Variants in SCO1 observed in about 807,000 individuals in gnomAD.
The protein encoded by SCO1 is cytochrome c oxidase assembly factor SCO1.
SCO1 carries 23 observed loss-of-function variants against 34.0 expected under a neutral mutation model. That is an observed-to-expected ratio of 0.68 (90% CI 0.49 to 0.96). The LOEUF is 0.96. SCO1 is among the 40% of genes least tolerant of loss of function. SCO1 has a pLI of 0.00. For synonymous variants in SCO1, 161 were observed against 145.5 expected (o/e 1.11, Z -0.77); for missense variants, 404 against 381.6 (o/e 1.06, Z -0.49).
chr17:10,693,014 G>C (rs2074699783), intron 2 of SCO1, 53 bp from the exon 3 acceptor site: 2 of 1,522,240 alleles, frequency 1.3e-6, no homozygotes, highest in Non-Finnish European at 1.8e-6. Context: ...TTTAACCAGA[G>C]GTACTCAAAT....
intron 4 of SCO1, 68 bp downstream of exon 4, chr17:10,691,804 G>T: frequency 3.1e-6 from 3 of 979,430 alleles, no homozygotes; most frequent in Non-Finnish European, 4.9e-6. Context: ...GCACTGTAAG[G>T]TTCAAATGAA....
chr17:10,691,205 C>T (rs1175150599), intron 4 of SCO1, among the ~76,000 whole-genome samples: 2 of 152,180 alleles, frequency 1.3e-5, no homozygotes, highest in African/African-American at 2.4e-5. Context: ...CTGCTACCTC[C>T]GCCTGCCAGG....
intron 1 of SCO1, among the ~76,000 whole-genome samples, chr17:10,696,801 G>A (rs777176595): frequency 1.3e-5 from 2 of 152,130 alleles, no homozygotes; most frequent in Non-Finnish European, 2.9e-5. Context: ...GAAAAAGGCA[G>A]ATCCACACAT....
rs894230757 is a variant in SCO1 at position 10,697,059 on chromosome 17, A to G, written c.273+176T>C. 3.3e-5 allele frequency among the ~76,000 whole-genome samples: 5 copies of G among 151,936 alleles called. No homozygotes were observed. In the South Asian group the frequency reaches 1.0e-3, roughly 31 times the overall value. On this transcript the variant is annotated intron_variant, in intron 1 of 5. Transcript: ENST00000255390. Reference sequence around the variant, plus strand: ...AAGTTCTCTGTGGAGAACTGGGACTACCCGCAAGGCACGGGAAATGTAGGA... The same window carrying G: ...AAGTTCTCTGTGGAGAACTGGGACTGCCCGCAAGGCACGGGAAATGTAGGA...
chr17:10,697,193 C>G lies in SCO1; in HGVS notation c.273+42G>C, dbSNP rs767643892. 17 of 1,473,970 alleles carry G rather than the reference C, an allele frequency of 1.2e-5. No homozygotes were observed. The East Asian group carries it at 4.2e-4, about 36-fold the overall frequency. The allele number at this position is 1,473,970 out of a possible 1,614,324, so 91.3% of individuals were successfully genotyped here. On this transcript the variant is annotated intron_variant, in intron 1 of 5. Coordinates refer to ENST00000255390, the MANE Select transcript of SCO1 (RefSeq NM_004589.4). Reference sequence around the variant, plus strand: ...GGGATGTGGCCGCTGGGCTGGCCGACAGCCGCGACGAGCACCAGAAGGGTT... The same window carrying G: ...GGGATGTGGCCGCTGGGCTGGCCGAGAGCCGCGACGAGCACCAGAAGGGTT...
At chr17:10,690,814 G>GA (rs2074684945) in intron 4 of SCO1, among the ~76,000 whole-genome samples, 1 of 152,074 alleles carries the variant, frequency 6.6e-6, no homozygotes, top group African/African-American at 2.4e-5. Flanking sequence ...AATGGATAAA[G>GA]AAAATGCAGT....
chr17:10,688,133 T>C lies in SCO1; in HGVS notation c.656-1291A>G, dbSNP rs2175040. On this transcript the variant is annotated intron_variant, in intron 4 of 5. Transcript: ENST00000255390. The stretch of plus-strand genomic sequence containing the variant: ...TTCTTATATACCAAACCAAAAGCAC[T>C]ATATTAAAAGGACAAACTGATAAAT... 2.7e-3 allele frequency among the ~76,000 whole-genome samples: 405 copies of C among 152,340 alleles called. 4 individuals carry two copies. The highest frequency in any genetic ancestry group is 8.9e-3 in the African/African-American group (371 of 41,582).
rs543236004 is a variant in SCO1 at position 10,692,670 on chromosome 17, T to C, written c.562+94A>G. On this transcript the variant is annotated intron_variant, in intron 3 of 5. Coordinates refer to ENST00000255390, the MANE Select transcript of SCO1 (RefSeq NM_004589.4). ...TTTATGTTCTTACAAATCACATAAT[T>C]GCAAAACCCCACCTAACAATAATAC... 4.4e-5 allele frequency: 45 copies of C among 1,034,168 alleles called. No individual in the cohort carries two copies. In the South Asian group the frequency reaches 5.7e-4, roughly 13 times the overall value. The allele number at this position is 1,034,168 out of a possible 1,614,324, so 64.1% of individuals were successfully genotyped here.
chr17:10,689,766 C>G (rs1196109644), intron 4 of SCO1, among the ~76,000 whole-genome samples: 1 of 152,040 alleles, frequency 6.6e-6, no homozygotes, highest in Non-Finnish European at 1.5e-5. Flanking sequence ...CAATCTTAAG[C>G]AAAAAGAACA....
intron 4 of SCO1, 36 bp from the exon 5 acceptor site, chr17:10,686,878 A>T: frequency 7.3e-7 from 1 of 1,377,226 alleles, no homozygotes; most frequent in Non-Finnish European, 1.0e-6. Context: ...GAAAAATGAG[A>T]AGCCAGTAAA....
chr17:10,691,052 G>A (rs1456797049), intron 4 of SCO1, among the ~76,000 whole-genome samples: 1 of 152,190 alleles, frequency 6.6e-6, no homozygotes, highest in Non-Finnish European at 1.5e-5. Context: ...GGAGGATAGG[G>A]ACTCTGTACC....
chr17:10,681,227 CAA>C lies in SCO1; in HGVS notation c.796_797del (p.Leu266AspfsTer6). The C allele has an allele frequency of 1.9e-6, 3 of 1,614,122 alleles. No individual in the cohort carries two copies. Among genetic ancestry groups the C allele is most frequent in the Non-Finnish European group, 2.5e-6 (3 of 1,180,018 alleles). On this transcript the variant is annotated frameshift_variant, in exon 6 of 6. Transcript: ENST00000255390. LOFTEE classifies it high-confidence loss of function. ...CTAGAAACTCACCATCTGGTCCAAT[CAA>C]GTACATTATTATTGTGTGATCCACC... Reference protein sequence around the residue: ...YIVDHTIIMYLIGPDGEFLDY... With the variant: ...YIVDHTIIMYXIGPDGEFLDY...
intron 2 of SCO1, among the ~76,000 whole-genome samples, chr17:10,693,474 A>T (rs940265614): frequency 6.6e-6 from 1 of 152,228 alleles, no homozygotes; most frequent in Non-Finnish European, 1.5e-5. Flanking sequence ...ATGGAGAGAA[A>T]GAGAGCTAGG....
chr17:10,693,028 T>C (rs752172945), intron 2 of SCO1, 67 bp from the exon 3 acceptor site: 26 of 1,351,172 alleles, frequency 1.9e-5, no homozygotes, highest in Non-Finnish European at 2.7e-5. Flanking sequence ...CTCAAATACC[T>C]GACATATGGC....
intron 2 of SCO1, among the ~76,000 whole-genome samples, chr17:10,694,956 G>C (rs1425335490): frequency 1.3e-5 from 2 of 152,142 alleles, no homozygotes; most frequent in Non-Finnish European, 2.9e-5. Flanking sequence ...TATCAAAAGA[G>C]ACTCCAAAGA....
chr17:10,680,427 C>A lies in SCO1; in HGVS notation c.*692G>T. On this transcript the variant is annotated 3_prime_UTR_variant, in exon 6 of 6. Coordinates refer to ENST00000255390, the MANE Select transcript of SCO1 (RefSeq NM_004589.4). Reference sequence around the variant, plus strand: ...CAGCATCACACTCGTGATCAATATCCTCTTATTTCCATTTGGTATGTCACT... The same window carrying A: ...CAGCATCACACTCGTGATCAATATCATCTTATTTCCATTTGGTATGTCACT... The A allele has an allele frequency of 6.4e-6, 1 of 155,832 alleles. No individual in the cohort carries two copies. The highest frequency in any genetic ancestry group is 6.2e-5 in the Admixed American group (1 of 16,118). The allele number at this position is 155,832 out of a possible 1,614,324, so 9.7% of individuals were successfully genotyped here.
Position 10,692,927 on chromosome 17 carries a change from C to T in SCO1, c.399G>A (p.Lys133=), listed in dbSNP as rs1225557143. Residue 133 remains lysine, a synonymous_variant, in exon 3 of 6, where the codon AAG becomes AAA. Coordinates refer to ENST00000255390, the MANE Select transcript of SCO1 (RefSeq NM_004589.4). ...GGGAAAACGGTCCCCCAAGTAAAGG[C>T]TTGCCGATGTGTCGCTGCCGTTCCT... is the stretch of plus-strand genomic sequence containing the variant. ...LEKERQRHIG[K]PLLGGPFSLT... is the part of the protein sequence containing the mutation. 29 of 1,614,024 alleles carry T rather than the reference C, an allele frequency of 1.8e-5. 1 individual carries two copies. In the South Asian group the frequency reaches 2.4e-4, roughly 13 times the overall value.
At chr17:10,690,594 TA>T (rs1427001226) in intron 4 of SCO1, among the ~76,000 whole-genome samples, 3 of 152,190 alleles carry the variant, frequency 2.0e-5, no homozygotes, top group Admixed American at 6.5e-5. Context: ...GATGGAAATG[TA>T]AATTAGTATA....
In SCO1 at chr17:10,686,782, C is replaced by T; in HGVS notation, c.716G>A (p.Arg239Lys). The T allele has an allele frequency of 6.2e-7, 1 of 1,614,080 alleles. No homozygotes were observed. The highest frequency in any genetic ancestry group is 8.5e-7 in the Non-Finnish European group (1 of 1,179,974). ...GTREEVDQVA[R>K]AYRVYYSPGP... ...AGGGCTGTAATACACTCTGTATGCT[C>T]TGGCCACTTGATCGACCTCTTCTCT... Residue 239 changes from arginine to lysine, a missense_variant, in exon 5 of 6, where the codon AGA (arginine) becomes AAA (lysine). Coordinates refer to ENST00000255390, the MANE Select transcript of SCO1 (RefSeq NM_004589.4).
Sources: gnomAD v4.1 joint callset for allele counts (sites outside exome capture counted in the v4.1 genomes callset) on GRCh38, gnomAD v4.1.1 for gene constraint, MANE v1.5 for transcripts, NCBI Gene and HGNC (gene_info 2026-07-23, HGNC 2026-07-21) for gene names.